TENM2: variants seen among roughly 807,000 people sequenced by gnomAD.
TENM2 encodes the protein teneurin-2.
In TENM2, 52 loss-of-function variants were observed where a neutral mutation model predicts 245.2. The ratio of observed to expected loss-of-function variants is 0.21; its 90% confidence interval spans 0.17 to 0.27. TENM2 has a LOEUF of 0.27. Among genes scored for constraint, TENM2 ranks in the 10% least tolerant of loss-of-function variants. The pLI, the probability that TENM2 is intolerant of heterozygous loss-of-function variation, is 1.00. For synonymous variants in TENM2, 1,363 were observed against 1,438.9 expected (o/e 0.95, Z 1.19); for missense variants, 3,046 against 3,666.8 (o/e 0.83, Z 4.37).
At chr5:167,812,990 G>A in intron 2 of TENM2, among the ~76,000 whole-genome samples, 1 of 152,254 alleles carries the variant, frequency 6.6e-6, no homozygotes, top group East Asian at 1.9e-4. Flanking sequence ...AATTTATCAG[G>A]CCAGAAAGTT....
intron 13 of TENM2, among the ~76,000 whole-genome samples, chr5:168,182,204 T>G (rs781695850): frequency 9.2e-5 from 14 of 152,240 alleles, no homozygotes; most frequent in Non-Finnish European, 1.8e-4. Flanking sequence ...CAAGTCAGCC[T>G]TGCCTATTCC....
chr5:167,522,280 G>T (rs1375591503), intron 2 of TENM2, among the ~76,000 whole-genome samples: 1 of 152,140 alleles, frequency 6.6e-6, no homozygotes, highest in African/African-American at 2.4e-5. Flanking sequence ...TTCAGGGCAT[G>T]ACAATACTAC....
chr5:167,645,926 C>A (rs189768453), intron 2 of TENM2, among the ~76,000 whole-genome samples: 1 of 151,436 alleles, frequency 6.6e-6, no homozygotes, highest in African/African-American at 2.4e-5. Context: ...GTGTCTATTA[C>A]TTTTTAAACT....
intron 7 of TENM2, chr5:168,088,205 G>A (rs917046469): frequency 3.3e-5 from 5 of 152,128 alleles, no homozygotes; most frequent in African/African-American, 1.2e-4. Flanking sequence ...GACCCGAAAT[G>A]AAGTAGATCC....
intron 2 of TENM2, among the ~76,000 whole-genome samples, chr5:167,687,348 G>A (rs1757141090): frequency 6.6e-6 from 1 of 152,096 alleles, no homozygotes; most frequent in African/African-American, 2.4e-5. Context: ...TATGCACAAA[G>A]GTTATGGAGA....
the TENM2 span, among the ~76,000 whole-genome samples, chr5:166,999,593 C>A: frequency 6.6e-6 from 1 of 151,962 alleles, no homozygotes; most frequent in East Asian, 1.9e-4. Flanking sequence ...CTAGAACATA[C>A]TTAGGAAAAG....
At chr5:168,176,142 C>T (rs1190865278) in intron 13 of TENM2, among the ~76,000 whole-genome samples, 1 of 152,210 alleles carries the variant, frequency 6.6e-6, no homozygotes, top group Non-Finnish European at 1.5e-5. Context: ...CTGCGCTGGA[C>T]TATGGGTCCT....
intron 6 of TENM2, among the ~76,000 whole-genome samples, chr5:168,057,880 A>T (rs1000311229): frequency 1.3e-5 from 2 of 152,038 alleles, no homozygotes; most frequent in Non-Finnish European, 2.9e-5. Context: ...GGGTAGCTGG[A>T]AAAACCCTCA....
chr5:168,221,347 A>G (rs1429256392), intron 23 of TENM2, among the ~76,000 whole-genome samples: 1 of 152,188 alleles, frequency 6.6e-6, no homozygotes. Context: ...CATTTTATTG[A>G]TAAAGAAACT....
chr5:167,889,526 G>T (rs768740061), intron 3 of TENM2, among the ~76,000 whole-genome samples: 6 of 152,048 alleles, frequency 3.9e-5, no homozygotes, highest in African/African-American at 7.2e-5. Context: ...TCTCCCTGGG[G>T]AGCCTGACCA....
chr5:167,728,613 A>AAATGAATGAATGAATG (rs34768945), intron 2 of TENM2: 1 of 149,818 alleles, frequency 6.7e-6, no homozygotes, highest in African/African-American at 2.5e-5. Flanking sequence ...ATAAATAAAT[A>AAATGAATGAATGAATG]AATGAATGAA....
chr5:167,803,424 C>T (rs1031604334), intron 2 of TENM2, among the ~76,000 whole-genome samples: 18 of 152,050 alleles, frequency 1.2e-4, no homozygotes, highest in African/African-American at 4.1e-4. Context: ...GAGAGGTCTT[C>T]AATGGAGACA....
the TENM2 span, among the ~76,000 whole-genome samples, chr5:167,161,833 G>A: frequency 1.3e-5 from 2 of 152,096 alleles, no homozygotes; most frequent in African/African-American, 4.8e-5. Flanking sequence ...ATAGGGAGTC[G>A]TTCATACCTC....
chr5:167,010,462 A>G, the TENM2 span, among the ~76,000 whole-genome samples: 1 of 152,210 alleles, frequency 6.6e-6, no homozygotes. Flanking sequence ...TCCATTTGGC[A>G]TTTTAATAAA....
chr5:167,890,784 GATGATA>G (rs958990187), intron 3 of TENM2, among the ~76,000 whole-genome samples: 1 of 152,078 alleles, frequency 6.6e-6, no homozygotes, highest in African/African-American at 2.4e-5. Flanking sequence ...CATCAATGAT[GATGATA>G]ATGATAATGA....
the TENM2 span, among the ~76,000 whole-genome samples, chr5:167,261,711 G>A: frequency 6.6e-6 from 1 of 152,158 alleles, no homozygotes; most frequent in African/African-American, 2.4e-5. Context: ...AGACCTCTTT[G>A]ATTAACCTTC....
chr5:167,185,917 C>T, the TENM2 span, among the ~76,000 whole-genome samples: 117 of 152,202 alleles, frequency 7.7e-4, no homozygotes, highest in Non-Finnish European at 1.5e-3. Context: ...AATTACTACC[C>T]GCTGCTCCCA....
chr5:167,657,495 T>C (rs1754923552), intron 2 of TENM2, among the ~76,000 whole-genome samples: 1 of 152,212 alleles, frequency 6.6e-6, no homozygotes, highest in Non-Finnish European at 1.5e-5. Context: ...TTTGGATAAA[T>C]GCCCAGTAGT....
chr5:167,164,406 G>A, the TENM2 span, among the ~76,000 whole-genome samples: 19,239 of 152,164 alleles, frequency 0.13, 4,089 homozygotes, highest in African/African-American at 0.44. Flanking sequence ...TTTAGACTCA[G>A]TTTTTGAATT....
Sources: allele counts gnomAD v4.1 joint callset (sites outside exome capture counted in the v4.1 genomes callset), GRCh38; gene constraint gnomAD v4.1.1; transcripts MANE v1.5; gene names NCBI Gene and HGNC (gene_info 2026-07-23, HGNC 2026-07-21).